The following SLC22A3 variants were observed in gnomAD, a reference collection of about 807,000 sequenced individuals.
The protein encoded by SLC22A3 is EMT organic cation transporter 3.
A neutral mutation model predicts 59.1 loss-of-function variants in SLC22A3; 51 were observed. The observed-to-expected ratio is 0.86, with a 90% CI of 0.69 to 1.09. The LOEUF is 1.09. Among genes scored for constraint, SLC22A3 ranks in the 50% least tolerant of loss-of-function variants. SLC22A3 has a pLI of 0.00. For missense variants in SLC22A3, 711 were observed against 726.3 expected (o/e 0.98, Z 0.24); for synonymous variants, 325 against 292.0 (o/e 1.11, Z -1.15).
chr6:160,421,893 G>A (rs1787753868), intron 5 of SLC22A3, among the ~76,000 whole-genome samples: 1 of 152,154 alleles, frequency 6.6e-6, no homozygotes, highest in South Asian at 2.1e-4. Context: ...TTGCCATTTG[G>A]TCCATTCTTG....
At chr6:160,397,835 A>G in intron 1 of SLC22A3, 144 bp from the exon 2 acceptor site, 1 of 700,102 alleles carries the variant, frequency 1.4e-6, no homozygotes, top group Non-Finnish European at 2.6e-6. Flanking sequence ...TAATGTAAAC[A>G]TACGTATGTG....
rs1423432875 is a variant in SLC22A3 at position 160,348,575 on chromosome 6, C to G, written c.156C>G (p.Arg52=). 3 of 1,535,992 alleles carry G rather than the reference C, an allele frequency of 2.0e-6. No individual in the cohort carries two copies. Among genetic ancestry groups the G allele is most frequent in the South Asian group, 1.2e-5 (1 of 84,034 alleles). Residue 52 remains arginine, a synonymous_variant, in exon 1 of 11, where the codon CGC becomes CGG. Coordinates refer to ENST00000275300, the MANE Select transcript of SLC22A3 (RefSeq NM_021977.4). ...LGTQPDHYWC[R]GPSAAALAER... ...CGCAGCCCGACCACTACTGGTGCCG[C>G]GGGCCAAGTGCCGCGGCGCTGGCCG...
At chr6:160,355,898 C>T (rs1784824030) in intron 1 of SLC22A3, among the ~76,000 whole-genome samples, 1 of 152,220 alleles carries the variant, frequency 6.6e-6, no homozygotes, top group Admixed American at 6.5e-5. Flanking sequence ...CAGGGCTGGG[C>T]TTGGCTTCCT....
At chr6:160,374,134 G>T (rs1408620205) in intron 1 of SLC22A3, among the ~76,000 whole-genome samples, 2 of 152,224 alleles carry the variant, frequency 1.3e-5, no homozygotes, top group Non-Finnish European at 2.9e-5. Context: ...GGTCCTGGTG[G>T]TATAGGCACC....
chr6:160,364,043 G>C (rs1015405923), intron 1 of SLC22A3, among the ~76,000 whole-genome samples: 1 of 152,048 alleles, frequency 6.6e-6, no homozygotes, highest in Non-Finnish European at 1.5e-5. Flanking sequence ...GTATAATAAT[G>C]AAAAGCTGTG....
chr6:160,447,331 C>A (rs763842812), intron 9 of SLC22A3, among the ~76,000 whole-genome samples: 1 of 152,166 alleles, frequency 6.6e-6, no homozygotes, highest in East Asian at 1.9e-4. Context: ...CAGGAGGAAT[C>A]GGAGGGAGAG....
At chr6:160,387,437 G>T (rs1269893962) in intron 1 of SLC22A3, among the ~76,000 whole-genome samples, 5 of 152,168 alleles carry the variant, frequency 3.3e-5, no homozygotes, top group African/African-American at 1.2e-4. Context: ...TTCCAATACT[G>T]CACAGCAAGA....
At chr6:160,438,106 T>C (rs1484251038) in intron 7 of SLC22A3, among the ~76,000 whole-genome samples, 3 of 152,056 alleles carry the variant, frequency 2.0e-5, no homozygotes, top group South Asian at 4.2e-4. Flanking sequence ...CAGACCTAGA[T>C]GAGAGAGGGT....
At chr6:160,359,050 C>T (rs1275742815) in intron 1 of SLC22A3, among the ~76,000 whole-genome samples, 4 of 152,152 alleles carry the variant, frequency 2.6e-5, no homozygotes, top group Admixed American at 2.6e-4. Context: ...AGAAAGGCAC[C>T]CATCTGGCTC....
chr6:160,373,135 G>A (rs919028740), intron 1 of SLC22A3, among the ~76,000 whole-genome samples: 3 of 152,238 alleles, frequency 2.0e-5, no homozygotes, highest in Admixed American at 6.5e-5. Flanking sequence ...CCTCATCTTC[G>A]TGGATTTATC....
chr6:160,375,103 T>C (rs934980517), intron 1 of SLC22A3, among the ~76,000 whole-genome samples: 5 of 152,210 alleles, frequency 3.3e-5, no homozygotes, highest in African/African-American at 1.2e-4. Context: ...CAGCATGTCT[T>C]TCCAGAAATT....
At chr6:160,425,511 T>C (rs1164306826) in intron 5 of SLC22A3, among the ~76,000 whole-genome samples, 1 of 152,232 alleles carries the variant, frequency 6.6e-6, no homozygotes, top group Non-Finnish European at 1.5e-5. Flanking sequence ...TAATTGCTTT[T>C]CTTTTTCCTT....
rs1055952722 is a variant in SLC22A3, at chr6:160,437,153, T to C, written c.1230T>C (p.Phe410=). 1.9e-6 allele frequency: 3 copies of C among 1,614,066 alleles called. No homozygotes were observed. In the African/African-American group the frequency reaches 4.0e-5, roughly 22 times the overall value. The stretch of plus-strand genomic sequence containing the variant: ...AGCGCCTTGGACGACGCCTCCCCTT[T>C]GCGGCAAGCAATATAGTGGCAGGGG... The part of the protein sequence containing the change: ...TIERLGRRLP[F]AASNIVAGVA... The change falls in exon 7 of 11, where the codon TTT becomes TTC. Residue 410 remains phenylalanine (F), a synonymous_variant. Coordinates refer to ENST00000275300, the MANE Select transcript of SLC22A3 (RefSeq NM_021977.4).
At chr6:160,438,409 T>C (rs1313116181) in intron 7 of SLC22A3, among the ~76,000 whole-genome samples, 2 of 152,200 alleles carry the variant, frequency 1.3e-5, no homozygotes, top group Non-Finnish European at 2.9e-5. Flanking sequence ...CAAAAAAGGC[T>C]GTCTTTCTTT....
rs1256938007 is a variant in SLC22A3 at position 160,348,610 on chromosome 6, G to C, written c.191G>C (p.Gly64Ala). 6.6e-7 allele frequency: 1 copy of C among 1,506,602 alleles called. No individual in the cohort carries two copies. The highest frequency in any genetic ancestry group is 8.8e-7 in the Non-Finnish European group (1 of 1,135,614). 93.3% of individuals were successfully genotyped at this position (1,506,602 alleles called of 1,614,324 possible). A position where few individuals can be genotyped will look rare whatever the true frequency, so the allele number is the denominator to read the frequency against. Residue 64 changes from glycine to alanine, a missense_variant, in exon 1 of 11, where the codon GGC becomes GCC. Transcript: ENST00000275300. Reference sequence around the variant, plus strand: ...GCCGCGGCGCTGGCCGAGCGCTGCGGCTGGAGCCCGGAGGAGGAGTGGAAC... The same window carrying C: ...GCCGCGGCGCTGGCCGAGCGCTGCGCCTGGAGCCCGGAGGAGGAGTGGAAC... ...PSAAALAERC[G>A]WSPEEEWNRT... is the part of the protein sequence containing the mutation.
chr6:160,405,229 C>T (rs1231107045), intron 2 of SLC22A3, among the ~76,000 whole-genome samples: 4 of 152,022 alleles, frequency 2.6e-5, no homozygotes, highest in African/African-American at 9.7e-5. Flanking sequence ...AACAACCCAA[C>T]TAAAAAGCGG....
chr6:160,348,996 C>T, intron 1 of SLC22A3, 148 bp downstream of exon 1: 1 of 1,500,148 alleles, frequency 6.7e-7, no homozygotes, highest in Non-Finnish European at 8.8e-7. Context: ...CAGGATTCAG[C>T]GCACCCTTGG....
chr6:160,435,970 G>A (rs1049131922), intron 5 of SLC22A3, among the ~76,000 whole-genome samples: 2 of 152,154 alleles, frequency 1.3e-5, no homozygotes, highest in African/African-American at 4.8e-5. Context: ...TAGGATAGAG[G>A]TCCGGGGAGT....
At chr6:160,360,654 G>A (rs1207135266) in intron 1 of SLC22A3, among the ~76,000 whole-genome samples, 2 of 152,152 alleles carry the variant, frequency 1.3e-5, no homozygotes, top group African/African-American at 4.8e-5. Context: ...ATCCAAGAAA[G>A]TGCATTTCAA....
Sources: allele counts gnomAD v4.1 joint callset (sites outside exome capture counted in the v4.1 genomes callset), GRCh38; gene constraint gnomAD v4.1.1; transcripts MANE v1.5; gene names NCBI Gene and HGNC (gene_info 2026-07-23, HGNC 2026-07-21).